CAST: variants seen among roughly 807,000 people sequenced by gnomAD.
CAST encodes calpastatin.
CAST carries 76 observed loss-of-function variants against 119.6 expected under a neutral mutation model. That is an observed-to-expected ratio of 0.64 (90% CI 0.53 to 0.77). The LOEUF (loss-of-function observed/expected upper bound fraction) is 0.77, where lower values mean the gene tolerates loss of function less well. Ranked by LOEUF, CAST falls within the 30% of genes least tolerant of loss-of-function variation. CAST has a pLI of 0.00. For missense variants in CAST, 953 were observed against 946.5 expected, an observed-to-expected ratio of 1.01 and a Z score of -0.09; for synonymous variants, 319 against 331.6, an observed-to-expected ratio of 0.96 and a Z score of 0.41.
At chr5:96,376,894 C>T in the CAST span, among the ~76,000 whole-genome samples, 6 of 152,102 alleles carry the variant, frequency 3.9e-5, no homozygotes. Context: ...TGTCATTCCC[C>T]ATAAAGCCCT....
chr5:96,597,486 T>G (rs1284691459), intron 1 of CAST, among the ~76,000 whole-genome samples: 2 of 152,214 alleles, frequency 1.3e-5, no homozygotes, highest in Admixed American at 1.3e-4. Flanking sequence ...CTACATGAAG[T>G]GCCTAGGGAG....
rs1237008030 is a variant in CAST at position 96,726,805 on chromosome 5, C to T, written c.282C>T (p.Val94=). 3 of 1,612,684 alleles carry T rather than the reference C, an allele frequency of 1.9e-6. No homozygotes were observed. The highest frequency in any genetic ancestry group is 2.5e-6 in the Non-Finnish European group (3 of 1,178,960). Residue 94 remains valine (V), a synonymous_variant, in exon 5 of 32, where the codon GTC becomes GTT. Transcript: ENST00000675179. ...MNPTETKAIP[V]SQQMEGPHLP... Reference sequence around the variant, plus strand: ...TGCTCTTATATTAGGCCATTCCAGTCAGCCAACAGATGGAAGGACCACATC... The same window carrying T: ...TGCTCTTATATTAGGCCATTCCAGTTAGCCAACAGATGGAAGGACCACATC...
At chr5:96,046,867 A>G in the CAST span, among the ~76,000 whole-genome samples, 1 of 152,308 alleles carries the variant, frequency 6.6e-6, no homozygotes, top group Admixed American at 6.5e-5. Context: ...CAAAAGTGGA[A>G]ACCCCTGATA....
chr5:96,680,380 G>GAAAAAAAAAA (rs1751255045), intron 2 of CAST, among the ~76,000 whole-genome samples: 1 of 72,740 alleles, frequency 1.4e-5, no homozygotes, highest in Non-Finnish European at 2.4e-5. Flanking sequence ...AAAAAAAAAA[G>GAAAAAAAAAA]AAGAAGAAGA....
intron 1 of CAST, among the ~76,000 whole-genome samples, chr5:96,573,266 G>A (rs1294514695): frequency 6.6e-6 from 1 of 151,814 alleles, no homozygotes; most frequent in Non-Finnish European, 1.5e-5. Flanking sequence ...GAGTTACCTT[G>A]AAATGTAATT....
the CAST span, among the ~76,000 whole-genome samples, chr5:96,192,244 CAATGCTTGAG>C: frequency 6.6e-6 from 1 of 152,096 alleles, no homozygotes; most frequent in African/African-American, 2.4e-5. Context: ...ATTATAGGTC[CAATGCTTGAG>C]AATGATGGTA....
the CAST span, among the ~76,000 whole-genome samples, chr5:96,485,594 C>T: frequency 2.0e-3 from 301 of 152,116 alleles, no homozygotes; most frequent in African/African-American, 6.9e-3. Flanking sequence ...ATGAATAGTT[C>T]GAACCTGGGA....
the CAST span, among the ~76,000 whole-genome samples, chr5:96,200,076 G>A: frequency 6.6e-6 from 1 of 152,116 alleles, no homozygotes; most frequent in Non-Finnish European, 1.5e-5. Flanking sequence ...TAGTCTGGGG[G>A]CATCGGCGCT....
chr5:96,768,046 A>G, intron 29 of CAST, 47 bp downstream of exon 29: 2 of 1,148,540 alleles, frequency 1.7e-6, no homozygotes, highest in Non-Finnish European at 2.6e-6. Context: ...GTGTGTGTGT[A>G]TGTGTACATA....
chr5:96,004,431 T>C, the CAST span, among the ~76,000 whole-genome samples: 1 of 152,214 alleles, frequency 6.6e-6, no homozygotes. Context: ...TTCAACTTAT[T>C]CTCAAATGGT....
chr5:96,677,030 G>A (rs1269261613), intron 2 of CAST, among the ~76,000 whole-genome samples: 1 of 149,246 alleles, frequency 6.7e-6, no homozygotes, highest in East Asian at 1.9e-4. Flanking sequence ...CTCCAGCTGG[G>A]TGACAAAAAA....
the CAST span, among the ~76,000 whole-genome samples, chr5:96,236,123 A>G: frequency 5.5e-4 from 56 of 101,072 alleles, no homozygotes; most frequent in Middle Eastern, 5.7e-3. Context: ...CTATCTATCT[A>G]TCTCTCTATC....
At chr5:96,366,605 T>G in the CAST span, among the ~76,000 whole-genome samples, 1 of 152,192 alleles carries the variant, frequency 6.6e-6, no homozygotes, top group African/African-American at 2.4e-5. Context: ...TACCCTTTCT[T>G]CCAGTTGATC....
At chr5:96,134,242 C>G in the CAST span, among the ~76,000 whole-genome samples, 1 of 152,142 alleles carries the variant, frequency 6.6e-6, no homozygotes, top group Non-Finnish European at 1.5e-5. Context: ...AAAACCAAAA[C>G]CGTGTGACAA....
the CAST span, among the ~76,000 whole-genome samples, chr5:96,446,934 T>A: frequency 6.6e-6 from 1 of 152,110 alleles, no homozygotes; most frequent in East Asian, 1.9e-4. Flanking sequence ...CTTCCTGTCG[T>A]TTGGGGGATT....
At chr5:96,002,541 T>A in the CAST span, among the ~76,000 whole-genome samples, 2 of 152,116 alleles carry the variant, frequency 1.3e-5, no homozygotes, top group Non-Finnish European at 2.9e-5. Context: ...CCGGTCCAGC[T>A]TGGGTGTAAA....
chr5:96,103,012 C>A, the CAST span, among the ~76,000 whole-genome samples: 2 of 151,994 alleles, frequency 1.3e-5, no homozygotes, highest in East Asian at 1.9e-4. Flanking sequence ...ATGCACTGAT[C>A]TAAGGGTTTA....
the CAST span, among the ~76,000 whole-genome samples, chr5:96,126,189 C>T: frequency 1.3e-5 from 2 of 152,028 alleles, no homozygotes; most frequent in Non-Finnish European, 2.9e-5. Context: ...AAACTCAGCA[C>T]AAAGTCTGTT....
the CAST span, among the ~76,000 whole-genome samples, chr5:96,364,693 G>A: frequency 5.9e-5 from 9 of 151,954 alleles, no homozygotes; most frequent in East Asian, 1.9e-4. Context: ...TTTTTATTGC[G>A]TCTATTTGAT....
Sources: allele counts gnomAD v4.1 joint callset (sites outside exome capture counted in the v4.1 genomes callset), GRCh38; gene constraint gnomAD v4.1.1; transcripts MANE v1.5; gene names NCBI Gene and HGNC (gene_info 2026-07-23, HGNC 2026-07-21).